Variants in AFG1L observed in about 807,000 individuals in gnomAD.
AFG1L encodes the protein AFG1-like ATPase.
Under a neutral mutation model 62.2 loss-of-function variants are expected in AFG1L, and 53 were observed. The ratio of observed to expected loss-of-function variants is 0.85; its 90% CI spans 0.68 to 1.07. AFG1L has a LOEUF of 1.07. Among genes scored for constraint, AFG1L ranks in the 50% least tolerant of loss-of-function variants. AFG1L has a pLI of 0.00. For missense variants in AFG1L, 555 were observed against 590.5 expected (o/e 0.94, Z 0.62); for synonymous variants, 228 against 210.3 (o/e 1.08, Z -0.73).
chr6:108,485,279 G>A (rs901735054), intron 10 of AFG1L, among the ~76,000 whole-genome samples: 1 of 152,046 alleles, frequency 6.6e-6, no homozygotes, highest in Non-Finnish European at 1.5e-5. Context: ...GAGAAAACGT[G>A]CTTTCATTTT....
At chr6:108,314,251 TAAG>T (rs1486702532) in intron 1 of AFG1L, among the ~76,000 whole-genome samples, 1 of 152,038 alleles carries the variant, frequency 6.6e-6, no homozygotes, top group African/African-American at 2.4e-5. Flanking sequence ...AAAAAAAAGA[TAAG>T]AAAATAATTC....
chr6:108,485,583 G>C (rs1260739689), intron 10 of AFG1L, among the ~76,000 whole-genome samples: 6 of 122,876 alleles, frequency 4.9e-5, no homozygotes, highest in African/African-American at 1.9e-4. Flanking sequence ...CATTTGCTGA[G>C]ACAATAATTA....
intron 8 of AFG1L, among the ~76,000 whole-genome samples, chr6:108,450,703 G>T (rs1772016337): frequency 6.6e-6 from 1 of 152,054 alleles, no homozygotes; most frequent in Admixed American, 6.5e-5. Flanking sequence ...GTATTGCCTA[G>T]GTTTTCTTCT....
chr6:108,349,550 G>A (rs1216040858), intron 3 of AFG1L, among the ~76,000 whole-genome samples: 2 of 152,036 alleles, frequency 1.3e-5, no homozygotes, highest in African/African-American at 4.8e-5. Flanking sequence ...GTATGGGAGA[G>A]TAGCCTCAAA....
chr6:108,451,818 A>C (rs1366725191), intron 8 of AFG1L, among the ~76,000 whole-genome samples: 1 of 151,994 alleles, frequency 6.6e-6, no homozygotes. Context: ...TCCCGGGTTC[A>C]AGCAATTCTC....
Position 108,524,451 on chromosome 6 carries a change from C to A in AFG1L, c.*2026C>A, listed in dbSNP as rs1775248581. Reference sequence around the variant, plus strand: ...AGGTCAGATATTGGGAATAAAGTTTCATTTTTCCATCGAAACAATCACGTA... The same window carrying A: ...AGGTCAGATATTGGGAATAAAGTTTAATTTTTCCATCGAAACAATCACGTA... On this transcript the variant is annotated 3_prime_UTR_variant, in exon 13 of 13. Coordinates refer to ENST00000368977, the MANE Select transcript of AFG1L (RefSeq NM_145315.5). The A allele has an allele frequency of 6.6e-6, 1 of 152,204 alleles. No individual in the cohort carries two copies. Among genetic ancestry groups the A allele is most frequent in the Non-Finnish European group, 1.5e-5 (1 of 68,042 alleles). 9.4% of individuals were successfully genotyped at this position (152,204 alleles called of 1,614,324 possible).
rs543354149 is a variant in AFG1L at position 108,432,795 on chromosome 6, C to T, written c.808-14419C>T. On this transcript the variant is annotated intron_variant, in intron 7 of 12. Transcript: ENST00000368977. ...GAAAAAAATCAGCCAACCAAATCCT[C>T]CTCCCTGAAATGCCTGGGAGTGGGG... Among the ~76,000 whole-genome samples, 14 of 152,332 alleles carry T rather than the reference C, an allele frequency of 9.2e-5. 1 individual carries two copies. The highest frequency in any genetic ancestry group is 3.4e-4 in the African/African-American group (14 of 41,582).
intron 6 of AFG1L, among the ~76,000 whole-genome samples, chr6:108,389,557 T>C (rs1780951077): frequency 6.6e-6 from 1 of 152,178 alleles, no homozygotes; most frequent in African/African-American, 2.4e-5. Context: ...TCAGGAGCTC[T>C]TTTAGGGCAG....
chr6:108,375,140 G>T (rs910386784), intron 6 of AFG1L, among the ~76,000 whole-genome samples: 2 of 152,114 alleles, frequency 1.3e-5, no homozygotes, highest in Non-Finnish European at 2.9e-5. Flanking sequence ...AATGTTATTG[G>T]TGTATAGAAA....
chr6:108,356,351 A>G (rs969035077), intron 4 of AFG1L, among the ~76,000 whole-genome samples: 1 of 152,328 alleles, frequency 6.6e-6, no homozygotes, highest in East Asian at 1.9e-4. Context: ...CTTGGGCAGG[A>G]TCACATCCTC....
chr6:108,458,907 A>C (rs1262481193), intron 8 of AFG1L, among the ~76,000 whole-genome samples: 1 of 152,058 alleles, frequency 6.6e-6, no homozygotes, highest in African/African-American at 2.4e-5. Context: ...GGACACAGTT[A>C]AGTTACTTGG....
chr6:108,308,316 AT>A, intron 1 of AFG1L, among the ~76,000 whole-genome samples: 1 of 151,798 alleles, frequency 6.6e-6, no homozygotes, highest in South Asian at 2.1e-4. Flanking sequence ...CACCCAGCTA[AT>A]TGTTAAAATT....
At position 108,445,650 on chromosome 6, in the gene AFG1L, GA is replaced by G. The variant is rs1771747631; in HGVS notation, c.808-1563del. On this transcript the variant is annotated intron_variant, in intron 7 of 12. Transcript: ENST00000368977. ...ACCTAAGGTGAGAGAGAGAGAGAGA[GA>G]GAGAGAGAGAGAGAGAGAGAGAGAG... is the stretch of plus-strand genomic sequence containing the variant. 4.8e-5 allele frequency among the ~76,000 whole-genome samples: 3 copies of G among 63,126 alleles called. No homozygotes were observed. In the South Asian group the frequency reaches 1.9e-3, roughly 40 times the overall value. The allele number at this position is 63,126 out of a possible 152,430, so 41.4% of individuals were successfully genotyped here.
intron 7 of AFG1L, among the ~76,000 whole-genome samples, chr6:108,427,725 T>C (rs757226292): frequency 1.3e-5 from 2 of 152,078 alleles, no homozygotes; most frequent in Non-Finnish European, 2.9e-5. Context: ...TTTCACCATG[T>C]TGGTAAGGCT....
rs747791528 is a variant in AFG1L, at chr6:108,356,657, T to C, written c.518-33T>C. 2.2e-5 allele frequency: 33 copies of C among 1,503,708 alleles called. No individual in the cohort carries two copies. The African/African-American group carries it at 4.1e-4, about 19-fold the overall frequency. The allele number at this position is 1,503,708 out of a possible 1,614,324, so 93.1% of individuals were successfully genotyped here. A position where few individuals can be genotyped will look rare whatever the true frequency, so the allele number is the denominator to read the frequency against. On this transcript the variant is annotated intron_variant, in intron 4 of 12. Coordinates refer to ENST00000368977, the MANE Select transcript of AFG1L (RefSeq NM_145315.5). The stretch of plus-strand genomic sequence containing the variant: ...TATAATTGTCTAAAAAGTACTAATA[T>C]ATTTCATCTGTGTTTAATTTCATGC...
intron 8 of AFG1L, among the ~76,000 whole-genome samples, chr6:108,451,586 C>CA (rs1772055991): frequency 6.6e-6 from 1 of 152,226 alleles, no homozygotes; most frequent in South Asian, 2.1e-4. Flanking sequence ...AGCTACAAAA[C>CA]AGAGACCTTG....
chr6:108,323,667 G>T (rs1478811795), intron 1 of AFG1L, among the ~76,000 whole-genome samples, 158 bp from the exon 2 acceptor site: 2 of 152,124 alleles, frequency 1.3e-5, no homozygotes, highest in Non-Finnish European at 2.9e-5. Flanking sequence ...GGCTGAAAAT[G>T]TATTTTATAT....
chr6:108,346,577 A>G (rs1778872396), intron 2 of AFG1L, among the ~76,000 whole-genome samples: 1 of 152,128 alleles, frequency 6.6e-6, no homozygotes, highest in African/African-American at 2.4e-5. Flanking sequence ...TATATTGCCC[A>G]GGCTGGTCTT....
rs1775222065 is a variant in AFG1L at position 108,523,875 on chromosome 6, A to G, written c.*1450A>G. On this transcript the variant is annotated 3_prime_UTR_variant, in exon 13 of 13. Coordinates refer to ENST00000368977, the MANE Select transcript of AFG1L (RefSeq NM_145315.5). Reference sequence around the variant, plus strand: ...ATTTTTATTGAAGTGAAACACAGTAATTTCAAAGAGGTTACGTAATAGGGA... The same window carrying G: ...ATTTTTATTGAAGTGAAACACAGTAGTTTCAAAGAGGTTACGTAATAGGGA... 6.6e-6 allele frequency: 1 copy of G among 152,206 alleles called. No homozygotes were observed. The highest frequency in any genetic ancestry group is 6.5e-5 in the Admixed American group (1 of 15,272). 9.4% of individuals were successfully genotyped at this position (152,206 alleles called of 1,614,324 possible).
Sources: allele counts gnomAD v4.1 joint callset (sites outside exome capture counted in the v4.1 genomes callset), GRCh38; gene constraint gnomAD v4.1.1; transcripts MANE v1.5; gene names NCBI Gene and HGNC (gene_info 2026-07-23, HGNC 2026-07-21).